The following RPSA2 variants were observed in gnomAD, a reference collection of about 807,000 sequenced individuals.
RPSA2 encodes the protein small ribosomal subunit protein uS2B.
the RPSA2 span, among the ~76,000 whole-genome samples, chr19:23,778,141 A>T: frequency 6.6e-6 from 1 of 152,194 alleles, no homozygotes; most frequent in African/African-American, 2.4e-5. Flanking sequence ...TCTCTTGCCT[A>T]AACCCTGCCT....
chr19:23,861,520 A>C, the RPSA2 span, among the ~76,000 whole-genome samples: 10 of 152,262 alleles, frequency 6.6e-5, no homozygotes, highest in African/African-American at 2.4e-4. Context: ...AGAACATGTT[A>C]AAAATTTCAT....
the RPSA2 span, among the ~76,000 whole-genome samples, chr19:23,848,036 G>A: frequency 9.2e-5 from 14 of 152,020 alleles, no homozygotes; most frequent in East Asian, 1.5e-3. Context: ...CACTGATTTC[G>A]TATTGTTCAA....
chr19:23,760,018 G>C, the RPSA2 span, among the ~76,000 whole-genome samples: 1 of 152,154 alleles, frequency 6.6e-6, no homozygotes, highest in East Asian at 1.9e-4. Flanking sequence ...GTCAAGCACT[G>C]TGCTAGCTTC....
chr19:23,820,827 A>G, the RPSA2 span, among the ~76,000 whole-genome samples: 1 of 152,224 alleles, frequency 6.6e-6, no homozygotes, highest in Non-Finnish European at 1.5e-5. Context: ...TTCTGTGGGC[A>G]GAGACTGAGC....
At chr19:23,838,759 T>G in the RPSA2 span, among the ~76,000 whole-genome samples, 1 of 6,158 alleles carries the variant, frequency 1.6e-4, no homozygotes, top group Non-Finnish European at 0.014. Flanking sequence ...GAGCCTTGAA[T>G]GATTTTTTGT....
At chr19:23,847,972 G>A in the RPSA2 span, among the ~76,000 whole-genome samples, 1 of 152,076 alleles carries the variant, frequency 6.6e-6, no homozygotes, top group Admixed American at 6.5e-5. Context: ...CAGACCTTAT[G>A]GTTGTCTTCC....
the RPSA2 span, among the ~76,000 whole-genome samples, chr19:23,859,773 G>T: frequency 5.3e-5 from 8 of 152,208 alleles, no homozygotes. Context: ...TCTCCATTCA[G>T]CTCCCAGTGT....
the RPSA2 span, among the ~76,000 whole-genome samples, chr19:23,768,757 T>C: frequency 6.7e-6 from 1 of 148,282 alleles, no homozygotes; most frequent in African/African-American, 2.5e-5. Flanking sequence ...CCATCTAATT[T>C]TTCTATATTT....
the RPSA2 span, among the ~76,000 whole-genome samples, chr19:23,834,002 T>C: frequency 6.6e-6 from 1 of 152,080 alleles, no homozygotes; most frequent in Non-Finnish European, 1.5e-5. Context: ...CCAAAGAGTT[T>C]ATACTAAAAT....
the RPSA2 span, among the ~76,000 whole-genome samples, chr19:23,774,092 C>T: frequency 6.6e-5 from 10 of 152,206 alleles, no homozygotes; most frequent in African/African-American, 1.9e-4. Context: ...TGGTGCTGCT[C>T]ACAGGGGACA....
the RPSA2 span, among the ~76,000 whole-genome samples, chr19:23,760,667 ATAT>A: frequency 0.31 from 29,972 of 96,144 alleles, 3,286 homozygotes; most frequent in Middle Eastern, 0.36. Context: ...ATATATATAT[ATAT>A]TTTTTTTTTT....
At chr19:23,847,118 T>A in the RPSA2 span, among the ~76,000 whole-genome samples, 1 of 152,070 alleles carries the variant, frequency 6.6e-6, no homozygotes, top group Non-Finnish European at 1.5e-5. Context: ...GTCTGAAAAT[T>A]CTTTTTATGC....
chr19:23,772,476 A>G, the RPSA2 span, among the ~76,000 whole-genome samples: 2 of 152,198 alleles, frequency 1.3e-5, no homozygotes, highest in Admixed American at 1.3e-4. Context: ...GATTACTCTC[A>G]TAACTCAAGT....
chr19:23,803,313 T>A, the RPSA2 span, among the ~76,000 whole-genome samples: 1 of 152,162 alleles, frequency 6.6e-6, no homozygotes, highest in Admixed American at 6.5e-5. Context: ...ATCCTGTTGC[T>A]TTTTTAGGGT....
At chr19:23,829,655 G>A in the RPSA2 span, among the ~76,000 whole-genome samples, 42 of 152,280 alleles carry the variant, frequency 2.8e-4, no homozygotes, top group South Asian at 8.7e-3. Context: ...TACATATAAT[G>A]TCTAAAAGAT....
At chr19:23,860,923 A>T in the RPSA2 span, among the ~76,000 whole-genome samples, 3 of 152,164 alleles carry the variant, frequency 2.0e-5, no homozygotes, top group African/African-American at 7.2e-5. Flanking sequence ...TATAAAAGAA[A>T]CTAGACACAC....
the RPSA2 span, among the ~76,000 whole-genome samples, chr19:23,790,228 A>ACCT: frequency 1.3e-5 from 2 of 151,880 alleles, no homozygotes; most frequent in Non-Finnish European, 2.9e-5. Context: ...GGCACTTCTG[A>ACCT]CCTCGTGATC....
chr19:23,792,359 G>A, the RPSA2 span, among the ~76,000 whole-genome samples: 1 of 152,120 alleles, frequency 6.6e-6, no homozygotes, highest in Admixed American at 6.5e-5. Context: ...CATGGAAGAA[G>A]CCTCTATACT....
chr19:23,813,834 T>TGCCTCA, the RPSA2 span, among the ~76,000 whole-genome samples: 3 of 150,660 alleles, frequency 2.0e-5, no homozygotes, highest in African/African-American at 7.3e-5. Context: ...GCGATTCTCC[T>TGCCTCA]GCCTCAGCCT....
Sources: gnomAD v4.1 joint callset for allele counts (sites outside exome capture counted in the v4.1 genomes callset) on GRCh38, gnomAD v4.1.1 for gene constraint, MANE v1.5 for transcripts, NCBI Gene and HGNC (gene_info 2026-07-23, HGNC 2026-07-21) for gene names.